ANO1: variants seen among roughly 807,000 people sequenced by gnomAD.
ANO1 encodes the protein anoctamin-1.
A neutral mutation model predicts 124.0 loss-of-function variants in ANO1; 59 were observed. The observed-to-expected ratio is 0.48, with a 90% CI of 0.39 to 0.59. The LOEUF (loss-of-function observed/expected upper bound fraction) is 0.59, where lower values mean the gene tolerates loss of function less well. ANO1 is among the 20% of genes least tolerant of loss of function. The pLI, the probability that ANO1 is intolerant of heterozygous loss-of-function variation, is 0.00. For synonymous variants in ANO1, 529 were observed against 532.0 expected (o/e 0.99, Z 0.08); for missense variants, 1,059 against 1,328.0 (o/e 0.80, Z 3.15).
chr11:70,116,614 C>A, intron 8 of ANO1, 115 bp downstream of exon 8: 1 of 1,007,616 alleles, frequency 9.9e-7, no homozygotes, highest in Non-Finnish European at 1.5e-6. Flanking sequence ...CTCCCCAGGG[C>A]GCTCGCTGCA....
In ANO1 at chr11:70,134,886, G is replaced by A. The variant is rs1351976113; in HGVS notation, c.1258+2807G>A. ...CTGTGGCAGGAGCTCCAGGTGCAGG[G>A]ACCAGGTGAGAGGGGTGTCAGAGCA... On this transcript the variant is annotated intron_variant, in intron 11 of 25. Transcript: ENST00000355303. Among the ~76,000 whole-genome samples the A allele has an allele frequency of 3.3e-5, 5 of 152,312 alleles. No individual in the cohort carries two copies. The East Asian group carries it at 7.7e-4, about 23-fold the overall frequency.
intron 1 of ANO1, among the ~76,000 whole-genome samples, chr11:70,084,509 G>A (rs1275455188): frequency 1.3e-5 from 2 of 152,142 alleles, no homozygotes; most frequent in Non-Finnish European, 2.9e-5. Context: ...GAAGCCTCCC[G>A]CTGCTCCGCA....
At chr11:70,075,505 T>C (rs145822774), upstream of ANO1, 1 of 151,578 alleles carries the variant, frequency 6.6e-6, no homozygotes, top group East Asian at 1.9e-4. Context: ...CCTGTACCTG[T>C]ATCTGTTGGC....
chr11:70,110,212 A>G (rs2135399626), intron 6 of ANO1, among the ~76,000 whole-genome samples: 1 of 136,400 alleles, frequency 7.3e-6, no homozygotes, highest in Non-Finnish European at 1.5e-5. Context: ...TTTTAGACAG[A>G]GTGTTGCTCT....
the ANO1 span, among the ~76,000 whole-genome samples, chr11:69,975,156 T>G: frequency 6.6e-6 from 1 of 152,132 alleles, no homozygotes; most frequent in Non-Finnish European, 1.5e-5. Flanking sequence ...AGGCTGAGCC[T>G]CTCACAGGTG....
chr11:69,985,481 G>T (rs1475071443), upstream of ANO1, among the ~76,000 whole-genome samples: 3 of 152,160 alleles, frequency 2.0e-5, no homozygotes, highest in African/African-American at 7.2e-5. Context: ...GGGTCCTGCC[G>T]CCTGGGGGAG....
At chr11:70,058,150 C>A (rs782078223) in intron 1 of ANO1, among the ~76,000 whole-genome samples, 7 of 152,064 alleles carry the variant, frequency 4.6e-5, no homozygotes, top group Non-Finnish European at 1.0e-4. Context: ...AGAAACTAAA[C>A]AGAAGACACA....
Position 70,103,982 on chromosome 11 carries a change from C to T in ANO1, c.541-17C>T. 6.2e-7 allele frequency: 1 copy of T among 1,609,382 alleles called. No individual in the cohort carries two copies. The highest frequency in any genetic ancestry group is 1.3e-5 in the African/African-American group (1 of 74,868). On this transcript the variant is annotated splice_polypyrimidine_tract_variant and intron_variant, in intron 3 of 25. Coordinates refer to ENST00000355303, the MANE Select transcript of ANO1 (RefSeq NM_018043.7). ...AGCAGGGTGACGCAGCTCCCCGGTC[C>T]CTTGTCTTATCTGCAGATGTACCAC...
chr11:70,095,414 GAAA>G (rs2044895858), intron 2 of ANO1, among the ~76,000 whole-genome samples: 1 of 69,030 alleles, frequency 1.4e-5, no homozygotes, highest in Non-Finnish European at 3.4e-5. Flanking sequence ...AAGAAAGAAA[GAAA>G]GAAAGAAAGA....
At chr11:70,085,180 G>A (rs942238941) in intron 1 of ANO1, among the ~76,000 whole-genome samples, 4 of 152,126 alleles carry the variant, frequency 2.6e-5, no homozygotes, top group East Asian at 1.9e-4. Context: ...TAGCTCTTTC[G>A]TGCTTCTCCT....
rs2048221912 is a variant in ANO1, at chr11:70,165,522, T to C, written c.2003T>C (p.Met668Thr). Reference protein sequence around the residue: ...MELCIQLSIIMLGKQLIQNNL... With the variant: ...MELCIQLSIITLGKQLIQNNL... Reference sequence around the variant, plus strand: ...CTATGCATCCAGCTCAGCATCATCATGCTGGGGAAACAGCTGATCCAGAAC... The same window carrying C: ...CTATGCATCCAGCTCAGCATCATCACGCTGGGGAAACAGCTGATCCAGAAC... The change falls in exon 20 of 26, where the codon ATG becomes ACG. Residue 668 changes from methionine (M) to threonine (T), a missense_variant. Coordinates refer to ENST00000355303, the MANE Select transcript of ANO1 (RefSeq NM_018043.7). 1 of 1,612,446 alleles carries C rather than the reference T, an allele frequency of 6.2e-7. No homozygotes were observed. Among genetic ancestry groups the C allele is most frequent in the Non-Finnish European group, 8.5e-7 (1 of 1,179,402 alleles).
chr11:70,131,623 C>A (rs549828509), intron 10 of ANO1, among the ~76,000 whole-genome samples: 1 of 152,196 alleles, frequency 6.6e-6, no homozygotes, highest in Non-Finnish European at 1.5e-5. Context: ...TCACCACGCC[C>A]GTCCCATTGT....
At chr11:69,994,587 A>T (rs1477352377) in intron 1 of ANO1, among the ~76,000 whole-genome samples, 4 of 152,214 alleles carry the variant, frequency 2.6e-5, no homozygotes, top group Non-Finnish European at 4.4e-5. Flanking sequence ...CTCATTTAGC[A>T]AGAAAAGCTC....
At chr11:70,186,793 C>G (rs188765989) in intron 25 of ANO1, among the ~76,000 whole-genome samples, 44 of 152,340 alleles carry the variant, frequency 2.9e-4, no homozygotes, top group East Asian at 2.1e-3. Flanking sequence ...GGGTTCAAGT[C>G]CCAGTTCTGT....
chr11:70,011,609 G>C (rs1452925461), intron 1 of ANO1, among the ~76,000 whole-genome samples: 1 of 152,184 alleles, frequency 6.6e-6, no homozygotes, highest in Non-Finnish European at 1.5e-5. Context: ...GGGATTCTAA[G>C]ATGAAGCATC....
intron 1 of ANO1, among the ~76,000 whole-genome samples, chr11:70,010,148 TGTGTGTGTGTGTGTGTGCGC>T (rs1399454931): frequency 1.6e-5 from 1 of 60,832 alleles, no homozygotes; most frequent in African/African-American, 5.2e-5. Context: ...TGTGTGTGTG[TGTGTGTGTGTGTGTGTGCGC>T]GTGTGTGTGT....
In ANO1 at chr11:70,175,057, C is replaced by T. The variant is rs542807127; in HGVS notation, c.2350+4018C>T. On this transcript the variant is annotated intron_variant, in intron 22 of 25. Transcript: ENST00000355303. ...CACAGTGCGCGTGTGTTTGCTCTGGCACCCTCTGCTTCGAGAAGCTCTGGC... is the reference window on the plus strand; with the variant it reads ...CACAGTGCGCGTGTGTTTGCTCTGGTACCCTCTGCTTCGAGAAGCTCTGGC... Among the ~76,000 whole-genome samples, 54 of 152,206 alleles carry T rather than the reference C, an allele frequency of 3.5e-4. No homozygotes were observed. In the East Asian group the frequency reaches 0.01, roughly 29 times the overall value.
intron 1 of ANO1, among the ~76,000 whole-genome samples, chr11:70,039,250 C>A (rs971140261): frequency 1.3e-5 from 2 of 152,134 alleles, no homozygotes; most frequent in African/African-American, 4.8e-5. Context: ...GGAAAGAGAA[C>A]AAAAGGACCA....
chr11:70,185,538 A>ACTGG, intron 24 of ANO1, 52 bp from the exon 25 acceptor site: 1 of 1,549,628 alleles, frequency 6.5e-7, no homozygotes, highest in South Asian at 1.1e-5. Context: ...CTCCAGCCAG[A>ACTGG]GCCTGAGCCC....
Sources: allele counts gnomAD v4.1 joint callset (sites outside exome capture counted in the v4.1 genomes callset), GRCh38; gene constraint gnomAD v4.1.1; transcripts MANE v1.5; gene names NCBI Gene and HGNC (gene_info 2026-07-23, HGNC 2026-07-21).